CRIP3: variants seen among roughly 807,000 people sequenced by gnomAD.
CRIP3 encodes cysteine-rich protein 3.
Under a neutral mutation model 30.3 loss-of-function variants are expected in CRIP3, and 23 were observed. The observed-to-expected ratio is 0.76, with a 90% CI of 0.55 to 1.08. CRIP3 has a LOEUF of 1.08. Ranked by LOEUF, CRIP3 falls within the 50% of genes least tolerant of loss-of-function variation. The pLI is 0.00. For missense variants in CRIP3, 261 were observed against 259.3 expected (o/e 1.01, Z -0.04); for synonymous variants, 89 against 97.6 (o/e 0.91, Z 0.52).
Position 43,306,103 on chromosome 6 carries a change from G to A in CRIP3, c.517C>T (p.His173Tyr). ...HAEHDGVPYCHVPCYGYLFGP... is the reference protein window; with the variant it reads ...HAEHDGVPYCYVPCYGYLFGP... ...AACAGGTAGCCGTAGCAGGGGACGT[G>A]GCAGTAGGGGACTCCATCATGCTGA... Residue 173 changes from histidine to tyrosine, a missense_variant, in exon 7 of 8, where the codon CAC becomes TAC. By Grantham distance (83) the His-to-Tyr change is moderately conservative (BLOSUM62 2). Coordinates refer to ENST00000372569, the MANE Select transcript of CRIP3 (RefSeq NM_206922.3). 6.2e-7 allele frequency: 1 copy of A among 1,613,984 alleles called. No individual in the cohort carries two copies. The highest frequency in any genetic ancestry group is 8.5e-7 in the Non-Finnish European group (1 of 1,179,960).
intron 4 of CRIP3, chr6:43,306,831 G>GCCA (rs1008585250): frequency 6.6e-6 from 2 of 301,142 alleles, no homozygotes; most frequent in Admixed American, 4.7e-5. Context: ...ATAGGAGCTG[G>GCCA]CCACAGCACG....
At chr6:43,307,795 A>G (rs777787546) in intron 3 of CRIP3, 44 bp downstream of exon 3, 2 of 1,610,868 alleles carry the variant, frequency 1.2e-6, no homozygotes, top group South Asian at 2.2e-5. Context: ...CCCAGCCACA[A>G]GGAGGGTTCT....
Position 43,306,241 on chromosome 6 carries a change from A to G in CRIP3, c.473T>C (p.Leu158Pro). ...CACCTCAGCATGACTCCCAGCAGTC[A>G]GGGTCTTGTGGCAACGCTGGCACCT... ...CLRCQRCHKT[L>P]TAGSHAEHDG... Residue 158 changes from leucine to proline, a missense_variant, in exon 6 of 8, where the codon CTG becomes CCG. Transcript: ENST00000372569. The G allele has an allele frequency of 6.2e-7, 1 of 1,614,194 alleles. No homozygotes were observed. The highest frequency in any genetic ancestry group is 8.5e-7 in the Non-Finnish European group (1 of 1,180,016).
chr6:43,307,472 A>G, intron 4 of CRIP3, 140 bp downstream of exon 4: 1 of 784,768 alleles, frequency 1.3e-6, no homozygotes, highest in South Asian at 4.3e-5. Context: ...CGGGGAGTAG[A>G]TAGAGAAGAC....
chr6:43,307,494 T>C, intron 4 of CRIP3, 118 bp downstream of exon 4: 1 of 1,001,554 alleles, frequency 1.0e-6, no homozygotes, highest in East Asian at 2.9e-5. Flanking sequence ...TTGCCAAGAA[T>C]GAAGTTGTGA....
In CRIP3 at chr6:43,306,284, A is replaced by C. The variant is rs1297016190; in HGVS notation, c.430T>G (p.Trp144Gly). Residue 144 changes from tryptophan (W) to glycine (G), a missense_variant, in exon 6 of 8, where the codon TGG (tryptophan) becomes GGG (glycine). Coordinates refer to ENST00000372569, the MANE Select transcript of CRIP3 (RefSeq NM_206922.3). The part of the protein sequence containing the change: ...AEKVMSLGRN[W>G]HRPCLRCQRC... ...TGGCACCTCAGACACGGTCGGTGCC[A>C]ATTTCTGCCTAATGACATCACCTTC... The C allele has an allele frequency of 1.2e-6, 2 of 1,614,012 alleles. No individual in the cohort carries two copies. The highest frequency in any genetic ancestry group is 1.7e-6 in the Non-Finnish European group (2 of 1,179,902).
intron 4 of CRIP3, 180 bp from the exon 5 acceptor site, chr6:43,306,697 C>A: frequency 1.7e-6 from 1 of 601,012 alleles, no homozygotes; most frequent in Admixed American, 3.1e-5. Context: ...CCTCCTGCCC[C>A]ATCCCTATGT....
chr6:43,308,288 G>C, intron 2 of CRIP3, 27 bp downstream of exon 2: 1 of 1,572,108 alleles, frequency 6.4e-7, no homozygotes, highest in South Asian at 1.1e-5. Context: ...GATGTAAACA[G>C]GGCAGTGCTC....
chr6:43,306,137 G>C lies in CRIP3; in HGVS notation c.496-13C>G, dbSNP rs1249769247. ...GGACTCCATCATGCTGAGACACAGA[G>C]AGAAAGAGAGCTGTCTCAGCCTGGT... is the stretch of plus-strand genomic sequence containing the variant. On this transcript the variant is annotated splice_polypyrimidine_tract_variant and intron_variant, in intron 6 of 7. Transcript: ENST00000372569. 8 of 1,614,070 alleles carry C rather than the reference G, an allele frequency of 5.0e-6. No individual in the cohort carries two copies. Among genetic ancestry groups the C allele is most frequent in the South Asian group, 1.1e-5 (1 of 91,072 alleles).
Position 43,306,532 on chromosome 6 carries a change from AG to A in CRIP3, c.329-16del. 1 of 1,589,222 alleles carries A rather than the reference AG, an allele frequency of 6.3e-7. No homozygotes were observed. Among genetic ancestry groups the A allele is most frequent in the Non-Finnish European group, 8.6e-7 (1 of 1,167,404 alleles). On this transcript the variant is annotated splice_polypyrimidine_tract_variant and intron_variant, in intron 4 of 7. Coordinates refer to ENST00000372569, the MANE Select transcript of CRIP3 (RefSeq NM_206922.3). ...ATGGGGAGGGCCTTTAAAGGGGAAG[AG>A]GCCCTGGCTATGTCTGAGGTGGAGA...
At chr6:43,306,729 C>T in intron 4 of CRIP3, 1 of 531,284 alleles carries the variant, frequency 1.9e-6, no homozygotes, top group South Asian at 2.8e-5. Flanking sequence ...TATCTGCTTC[C>T]TTCTCCTGCT....
chr6:43,307,556 C>T, intron 4 of CRIP3, 56 bp downstream of exon 4: 2 of 1,378,720 alleles, frequency 1.5e-6, no homozygotes, highest in Non-Finnish European at 1.9e-6. Context: ...CCAACCTCCG[C>T]TCCAGCTTGG....
At chr6:43,307,022 T>C (rs1270907426) in intron 4 of CRIP3, 2 of 156,952 alleles carry the variant, frequency 1.3e-5, no homozygotes, top group Non-Finnish European at 2.8e-5. Flanking sequence ...CTGGCCAGCT[T>C]TGCCTCTGAC....
Position 43,308,366 on chromosome 6 carries a change from G to A in CRIP3, c.87C>T (p.Cys29=). The change falls in exon 2 of 8, where the codon TGC becomes TGT. Residue 29 remains cysteine (C), a synonymous_variant. Transcript: ENST00000372569. Reference sequence around the variant, plus strand: ...TGCTGTGGCAGCGCTCACATTTCAGGCAGAAGCGGTGCCAGTTCTTGCCCA... The same window carrying A: ...TGCTGTGGCAGCGCTCACATTTCAGACAGAAGCGGTGCCAGTTCTTGCCCA... ...SSLGKNWHRF[C]LKCERCHSIL... is the part of the protein sequence containing the mutation. The A allele has an allele frequency of 4.3e-6, 7 of 1,612,734 alleles. No individual in the cohort carries two copies. Among genetic ancestry groups the A allele is most frequent in the South Asian group, 3.3e-5 (3 of 90,830 alleles).
chr6:43,308,768 G>A lies in CRIP3; in HGVS notation c.25C>T (p.Gln9Ter), dbSNP rs1408660539. The change falls in exon 1 of 8, where the codon CAG (glutamine) becomes TAG (stop). Residue 9 changes from glutamine (Q) to a stop codon, truncating the protein, a stop_gained. Transcript: ENST00000372569. LOFTEE classifies it high-confidence loss of function. MSWTCPRCQQPVFFAEKVS... is the reference protein window; with the variant it reads MSWTCPRC ...GCCTCACCGAAGAAAACAGGTTGCTGGCAACGCGGACAGGTCCAGCTCATA... is the reference window on the plus strand; with the variant it reads ...GCCTCACCGAAGAAAACAGGTTGCTAGCAACGCGGACAGGTCCAGCTCATA... 3 of 1,613,998 alleles carry A rather than the reference G, an allele frequency of 1.9e-6. No homozygotes were observed. The highest frequency in any genetic ancestry group is 2.2e-5 in the South Asian group (2 of 91,062).
In CRIP3 at chr6:43,306,248, T is replaced by C; in HGVS notation, c.466A>G (p.Lys156Glu). 6.2e-7 allele frequency: 1 copy of C among 1,614,198 alleles called. No homozygotes were observed. Among genetic ancestry groups the C allele is most frequent in the South Asian group, 1.1e-5 (1 of 91,086 alleles). Residue 156 changes from lysine (K) to glutamate (E), a missense_variant, in exon 6 of 8, where the codon AAG (lysine) becomes GAG (glutamate). By Grantham distance (56) the Lys-to-Glu change is moderately conservative. Coordinates refer to ENST00000372569, the MANE Select transcript of CRIP3 (RefSeq NM_206922.3). ...RPCLRCQRCHKTLTAGSHAEH... is the reference protein window; with the variant it reads ...RPCLRCQRCHETLTAGSHAEH... ...GCATGACTCCCAGCAGTCAGGGTCTTGTGGCAACGCTGGCACCTCAGACAC... is the reference window on the plus strand; with the variant it reads ...GCATGACTCCCAGCAGTCAGGGTCTCGTGGCAACGCTGGCACCTCAGACAC...
chr6:43,306,061 G>A lies in CRIP3; in HGVS notation c.553+6C>T. On this transcript the variant is annotated splice_donor_region_variant and intron_variant, in intron 7 of 7. Transcript: ENST00000372569. ...CCATCCCAGTGTCTGGGATGGGGCT[G>A]CCCACCTTTGGGGCCAAACAGGTAG... is the stretch of plus-strand genomic sequence containing the variant. 6.2e-7 allele frequency: 1 copy of A among 1,612,666 alleles called. No homozygotes were observed. Among genetic ancestry groups the A allele is most frequent in the Non-Finnish European group, 8.5e-7 (1 of 1,179,254 alleles).
At chr6:43,308,671 G>A (rs1245983303) in intron 1 of CRIP3, 79 bp downstream of exon 1, 28 of 1,556,552 alleles carry the variant, frequency 1.8e-5, no homozygotes, top group South Asian at 2.2e-5. Flanking sequence ...ACTACACTGT[G>A]GCTAGCCCTC....
chr6:43,308,648 AAGGG>A (rs1458558776), intron 1 of CRIP3, 98 bp downstream of exon 1: 1 of 1,441,494 alleles, frequency 6.9e-7, no homozygotes, highest in Non-Finnish European at 9.7e-7. Context: ...TGCAGGTGAA[AAGGG>A]TGTCTGGGAC....
Sources: gnomAD v4.1 joint callset for allele counts on GRCh38, gnomAD v4.1.1 for gene constraint, MANE v1.5 for transcripts, NCBI Gene and HGNC (gene_info 2026-07-23, HGNC 2026-07-21) for gene names.